Variants in FGD2 observed in about 807,000 individuals in gnomAD.
FGD2 encodes the protein FYVE, RhoGEF and PH domain-containing protein 2.
In FGD2, 52 loss-of-function variants were observed where a neutral mutation model predicts 75.9. The observed-to-expected ratio is 0.69, with a 90% CI of 0.55 to 0.86. The LOEUF is 0.86. Among genes scored for constraint, FGD2 ranks in the 40% least tolerant of loss-of-function variants. FGD2 has a pLI of 0.00. For synonymous variants in FGD2, 347 were observed against 348.6 expected, an observed-to-expected ratio of 1.00 and a Z score of 0.05; for missense variants, 790 against 872.0, an observed-to-expected ratio of 0.91 and a Z score of 1.18.
rs761658974 is a variant in FGD2 at position 37,014,705 on chromosome 6, GT to G, written c.882+2del. On this transcript the variant is annotated splice_donor_variant, in intron 7 of 15. Coordinates refer to ENST00000274963, the MANE Select transcript of FGD2 (RefSeq NM_173558.4). LOFTEE classifies it high-confidence loss of function. ...CTCCAATGCAGCCATCACTGAGATG[GT>G]AAGCAGCCCGCCCTCTCCTGGAGCC... 2 of 1,614,028 alleles carry G rather than the reference GT, an allele frequency of 1.2e-6. No homozygotes were observed. Among genetic ancestry groups the G allele is most frequent in the South Asian group, 2.2e-5 (2 of 91,086 alleles).
At chr6:37,024,306 C>T (rs1462462572) in intron 13 of FGD2, 1 of 152,120 alleles carries the variant, frequency 6.6e-6, no homozygotes, top group African/African-American at 2.4e-5. Context: ...CCCCACTGTA[C>T]TCCAGCCCAG....
rs1486210150 is a variant in FGD2, at chr6:37,028,800, G to C, written c.*637G>C. 1 of 151,630 alleles carries C rather than the reference G, an allele frequency of 6.6e-6. No homozygotes were observed. The highest frequency in any genetic ancestry group is 1.5e-5 in the Non-Finnish European group (1 of 67,922). The allele number at this position is 151,630 out of a possible 1,614,324, so 9.4% of individuals were successfully genotyped here. A position where few individuals can be genotyped will look rare whatever the true frequency, so the allele number is the denominator to read the frequency against. ...ATTTTTTTATTTTTTGTAGAGATGG[G>C]ATTTCACCATGTTACTCAGGCTGGT... On this transcript the variant is annotated 3_prime_UTR_variant, in exon 16 of 16. Transcript: ENST00000274963.
Position 37,013,624 on chromosome 6 carries a change from C to T in FGD2, c.543C>T (p.Arg181=). The change falls in exon 5 of 16, where the codon CGC becomes CGT. Residue 181 remains arginine, a synonymous_variant. Transcript: ENST00000274963. ...CCTCCTGCAGGACAGCTAACCCCCG[C>T]ATCGGTGACGTGATCCAGAAGCTGG... ...RRLDDWTANP[R]IGDVIQKLAP... is the part of the protein sequence containing the mutation. 2 of 1,613,958 alleles carry T rather than the reference C, an allele frequency of 1.2e-6. No individual in the cohort carries two copies. The highest frequency in any genetic ancestry group is 1.7e-5 in the Admixed American group (1 of 60,000).
intron 9 of FGD2, among the ~76,000 whole-genome samples, chr6:37,017,953 C>T (rs1765383336): frequency 6.6e-6 from 1 of 152,192 alleles, no homozygotes; most frequent in East Asian, 1.9e-4. Flanking sequence ...TTTAGGAGTG[C>T]AGCCCCGGCC....
Position 37,015,014 on chromosome 6 carries a change from C to T in FGD2, c.1005C>T (p.Asp335=), listed in dbSNP as rs1259281798. 1 of 1,614,016 alleles carries T rather than the reference C, an allele frequency of 6.2e-7. No individual in the cohort carries two copies. Among genetic ancestry groups the T allele is most frequent in the Non-Finnish European group, 8.5e-7 (1 of 1,179,944 alleles). ...TCAAGATCTCCTTCCGCCGCAACGA[C>T]CCCATGGAGCGCTACCTTTTCTTGG... ...PVLKISFRRN[D]PMERYLFLFN... is the part of the protein sequence containing the mutation. Residue 335 remains aspartate, a synonymous_variant, in exon 8 of 16, where the codon GAC becomes GAT. Coordinates refer to ENST00000274963, the MANE Select transcript of FGD2 (RefSeq NM_173558.4).
intron 9 of FGD2, among the ~76,000 whole-genome samples, chr6:37,017,397 C>G (rs1765349385): frequency 6.6e-6 from 1 of 152,248 alleles, no homozygotes; most frequent in African/African-American, 2.4e-5. Context: ...ACTTAAATAA[C>G]TTGCTTGAAG....
Position 37,011,693 on chromosome 6 carries a change from G to A in FGD2, c.379-13G>A, listed in dbSNP as rs372998624. 1.0e-4 allele frequency: 162 copies of A among 1,613,960 alleles called. No individual in the cohort carries two copies. Among genetic ancestry groups the A allele is most frequent in the Middle Eastern group, 5.0e-4 (3 of 6,048 alleles). On this transcript the variant is annotated splice_polypyrimidine_tract_variant and intron_variant, in intron 3 of 15. Transcript: ENST00000274963. ...CTGTCACTGCAGTGAGTGACCTGTC[G>A]TGGCGGCTACAGGTGTTTTTCCAGG...
chr6:37,017,426 G>A (rs1328383598), intron 9 of FGD2, among the ~76,000 whole-genome samples: 1 of 152,232 alleles, frequency 6.6e-6, no homozygotes, highest in Non-Finnish European at 1.5e-5. Context: ...GCAAATGCTA[G>A]TTCGAGTGAC....
chr6:37,025,457 G>C (rs1765771077), intron 13 of FGD2: 1 of 314,362 alleles, frequency 3.2e-6, no homozygotes, highest in Non-Finnish European at 6.1e-6. Context: ...AGATGCCAGT[G>C]GCCCGTCTGG....
At chr6:37,012,711 T>C (rs1211683210) in intron 4 of FGD2, among the ~76,000 whole-genome samples, 2 of 127,302 alleles carry the variant, frequency 1.6e-5, no homozygotes, top group South Asian at 5.0e-4. Flanking sequence ...GACCCTGACT[T>C]AAAAAAAAAA....
At position 37,015,023 on chromosome 6, in the gene FGD2, G is replaced by A. The variant is rs1423771952; in HGVS notation, c.1014G>A (p.Glu338=). ...CCTTCCGCCGCAACGACCCCATGGAGCGCTACCTTTTCTTGGTAAGAGGGT... is the reference window on the plus strand; with the variant it reads ...CCTTCCGCCGCAACGACCCCATGGAACGCTACCTTTTCTTGGTAAGAGGGT... ...KISFRRNDPM[E]RYLFLFNNML... Residue 338 remains glutamate, a synonymous_variant, in exon 8 of 16, where the codon GAG becomes GAA. Transcript: ENST00000274963. The A allele has an allele frequency of 2.5e-6, 4 of 1,613,732 alleles. No individual in the cohort carries two copies. The highest frequency in any genetic ancestry group is 3.4e-6 in the Non-Finnish European group (4 of 1,179,784).
chr6:37,008,949 G>A lies in FGD2; in HGVS notation c.184G>A (p.Gly62Arg). 1 of 1,614,218 alleles carries A rather than the reference G, an allele frequency of 6.2e-7. No homozygotes were observed. Among genetic ancestry groups the A allele is most frequent in the Non-Finnish European group, 8.5e-7 (1 of 1,180,034 alleles). Residue 62 changes from glycine (G) to arginine (R), a missense_variant, in exon 2 of 16, where the codon GGG (glycine) becomes AGG (arginine). By Grantham distance (125) the Gly-to-Arg change is moderately radical (BLOSUM62 -2). Transcript: ENST00000274963. ...GAAGACGAATGTCGGGGAGGCCGTG[G>A]GGTCTGAGCCCAGGACAGTCAGCAG... ...REKTNVGEAV[G>R]SEPRTVSRRY...
intron 14 of FGD2, chr6:37,026,144 G>A: frequency 1.0e-6 from 1 of 985,360 alleles, no homozygotes; most frequent in Non-Finnish European, 1.2e-6. Context: ...ACCAAATGGA[G>A]GCACCCTTTG....
At chr6:37,014,822 A>G in intron 7 of FGD2, 70 bp from the exon 8 acceptor site, 2 of 1,609,184 alleles carry the variant, frequency 1.2e-6, no homozygotes, top group Non-Finnish European at 1.7e-6. Context: ...CCCCGTCCCC[A>G]CAAGGCAAGC....
At chr6:37,027,897 G>C (rs1190344575) in intron 15 of FGD2, 51 bp from the exon 16 acceptor site, 3 of 1,586,906 alleles carry the variant, frequency 1.9e-6, no homozygotes, top group Non-Finnish European at 8.6e-7. Context: ...GGCTATCTGG[G>C]GCAGTAGGAC....
chr6:37,022,647 ACC>A, intron 13 of FGD2: 1 of 338,844 alleles, frequency 3.0e-6, no homozygotes. Flanking sequence ...CTTGGCCTCT[ACC>A]TGTCCCACCT....
At chr6:37,008,616 A>G (rs1444304786) in intron 1 of FGD2, among the ~76,000 whole-genome samples, 1 of 152,186 alleles carries the variant, frequency 6.6e-6, no homozygotes, top group Non-Finnish European at 1.5e-5. Context: ...AAAATAAAAT[A>G]TAGTCCACCC....
In FGD2 at chr6:37,021,414, T is replaced by C. The variant is rs1765584833; in HGVS notation, c.1234-98T>C. On this transcript the variant is annotated intron_variant, in intron 11 of 15. Transcript: ENST00000274963. ...ATCCAGCGCCTGGTACCCAGTGGGC[T>C]TTCAGCCCTGTCTGTTGCATGCACG... 2.7e-6 allele frequency: 3 copies of C among 1,112,806 alleles called. No individual in the cohort carries two copies. In the Admixed American group the frequency reaches 6.8e-5, roughly 25 times the overall value. The allele number at this position is 1,112,806 out of a possible 1,614,324, so 68.9% of individuals were successfully genotyped here.
intron 2 of FGD2, 93 bp downstream of exon 2, chr6:37,009,158 A>G: frequency 7.9e-7 from 1 of 1,263,532 alleles, no homozygotes; most frequent in Non-Finnish European, 1.1e-6. Flanking sequence ...CAGAGCCAGC[A>G]GTTCCCCAGG....
Sources: allele counts gnomAD v4.1 joint callset (sites outside exome capture counted in the v4.1 genomes callset), GRCh38; gene constraint gnomAD v4.1.1; transcripts MANE v1.5; gene names NCBI Gene and HGNC (gene_info 2026-07-23, HGNC 2026-07-21).